Variants in MMP26 observed in about 807,000 individuals in gnomAD.
MMP26 encodes matrix metalloproteinase-26.
In MMP26, 33 loss-of-function variants were observed where a neutral mutation model predicts 31.0. That is an observed-to-expected ratio of 1.06 (90% confidence interval 0.81 to 1.42). The LOEUF is 1.42. Among genes scored for constraint, MMP26 ranks in the 40% most tolerant of loss-of-function variants. MMP26 has a pLI of 0.00. For synonymous variants in MMP26, 122 were observed against 114.9 expected (o/e 1.06, Z -0.40); for missense variants, 347 against 316.1 (o/e 1.10, Z -0.74).
At chr11:4,758,385 A>T (rs1174856168) in intron 1 of MMP26, among the ~76,000 whole-genome samples, 1 of 151,540 alleles carries the variant, frequency 6.6e-6, no homozygotes, top group African/African-American at 2.4e-5. Flanking sequence ...TGAGTTACGT[A>T]TAAAGGTAGA....
At chr11:4,710,293 C>T (rs953669489) in intron 1 of MMP26, 4 of 456,780 alleles carry the variant, frequency 8.8e-6, no homozygotes, top group Non-Finnish European at 1.8e-5. Flanking sequence ...GCTTTTGGTA[C>T]CTGTGTCTCT....
chr11:4,732,399 G>GT (rs1402243063), intron 1 of MMP26, among the ~76,000 whole-genome samples: 5 of 151,920 alleles, frequency 3.3e-5, no homozygotes, highest in Admixed American at 3.3e-4. Flanking sequence ...TAATACAATA[G>GT]TTTTTTGTGA....
chr11:4,804,411 G>A (rs75367908), intron 2 of MMP26: 97 of 1,485,738 alleles, frequency 6.5e-5, no homozygotes, highest in East Asian at 5.4e-4. Flanking sequence ...TGCTGGGAAC[G>A]CAATCTACTC....
intron 2 of MMP26, among the ~76,000 whole-genome samples, chr11:4,783,038 A>G (rs1848885502): frequency 6.6e-6 from 1 of 152,212 alleles, no homozygotes; most frequent in South Asian, 2.1e-4. Context: ...CAGAAGGAAA[A>G]TGTGGGGTTG....
intron 2 of MMP26, among the ~76,000 whole-genome samples, chr11:4,785,877 G>T (rs1848936524): frequency 6.6e-6 from 1 of 152,186 alleles, no homozygotes; most frequent in African/African-American, 2.4e-5. Flanking sequence ...TCTGTTCAGG[G>T]ACATGTCTCC....
chr11:4,705,694 A>T (rs563079464), intron 1 of MMP26, among the ~76,000 whole-genome samples: 2 of 152,254 alleles, frequency 1.3e-5, no homozygotes, highest in South Asian at 2.1e-4. Flanking sequence ...AATTTTTTTT[A>T]AAAAGCTATT....
chr11:4,855,599 G>A (rs1850039244), intron 2 of MMP26, among the ~76,000 whole-genome samples: 1 of 152,300 alleles, frequency 6.6e-6, no homozygotes, highest in Non-Finnish European at 1.5e-5. Context: ...CGTCTGATTG[G>A]TGTACCTGAA....
chr11:4,724,543 C>T (rs1848069959), intron 1 of MMP26, among the ~76,000 whole-genome samples: 1 of 152,116 alleles, frequency 6.6e-6, no homozygotes, highest in Admixed American at 6.5e-5. Context: ...TTGTGAAACG[C>T]AAGGATTAGA....
rs1848599306 is a variant in MMP26 at position 4,764,059 on chromosome 11, C to CT, written c.-216-3206dup. Among the ~76,000 whole-genome samples, 6 of 152,206 alleles carry CT rather than the reference C, an allele frequency of 3.9e-5. No individual in the cohort carries two copies. The South Asian group carries it at 1.0e-3, about 26-fold the overall frequency. ...TAAAGTAAGATTTTAATGTTTATTA[C>CT]TTTTTAATCTTTTCTTCAAAATGTC... On this transcript the variant is annotated intron_variant, in intron 1 of 7. Transcript: ENST00000380390.
At chr11:4,888,913 T>C (rs528919214) in intron 2 of MMP26, among the ~76,000 whole-genome samples, 2 of 152,240 alleles carry the variant, frequency 1.3e-5, no homozygotes, top group South Asian at 2.1e-4. Flanking sequence ...AGCAACTGGA[T>C]TGGGGTGATA....
intron 2 of MMP26, among the ~76,000 whole-genome samples, chr11:4,970,142 C>A (rs1169898387): frequency 6.6e-6 from 1 of 151,976 alleles, no homozygotes; most frequent in Non-Finnish European, 1.5e-5. Flanking sequence ...CATAGTAATA[C>A]AAAAAACTCA....
At position 4,923,775 on chromosome 11, in the gene MMP26, G is replaced by C. The variant is rs546668814; in HGVS notation, c.-144-64293G>C. ...TTGACAATGATGCTAGAGCAGGCCA[G>C]CTTCATGATCTCCAGGTGAAGACAA... On this transcript the variant is annotated intron_variant, in intron 2 of 7. Transcript: ENST00000380390. The C allele has an allele frequency of 4.2e-5, 67 of 1,613,964 alleles. No individual in the cohort carries two copies. Among genetic ancestry groups the C allele is most frequent in the Non-Finnish European group, 5.3e-5 (62 of 1,180,034 alleles).
At chr11:4,960,950 A>G (rs1846513114) in intron 2 of MMP26, among the ~76,000 whole-genome samples, 1 of 152,200 alleles carries the variant, frequency 6.6e-6, no homozygotes, top group Admixed American at 6.5e-5. Context: ...ATAAGTCAAA[A>G]AGGGAAATGT....
At chr11:4,964,330 G>A (rs1846561227) in intron 2 of MMP26, among the ~76,000 whole-genome samples, 1 of 152,020 alleles carries the variant, frequency 6.6e-6, no homozygotes, top group Admixed American at 6.6e-5. Context: ...TCTGCATAAT[G>A]GCTAGCCAGT....
intron 2 of MMP26, among the ~76,000 whole-genome samples, chr11:4,979,948 A>G (rs975801870): frequency 6.6e-6 from 1 of 152,124 alleles, no homozygotes; most frequent in African/African-American, 2.4e-5. Flanking sequence ...GTTAATTCTC[A>G]TACCCTCTGT....
At chr11:4,708,793 A>G (rs1847817658) in intron 1 of MMP26, among the ~76,000 whole-genome samples, 1 of 152,120 alleles carries the variant, frequency 6.6e-6, no homozygotes, top group African/African-American at 2.4e-5. Flanking sequence ...AAACTTGCTC[A>G]GGTAAATACT....
intron 1 of MMP26, among the ~76,000 whole-genome samples, chr11:4,764,464 G>A (rs181633572): frequency 6.6e-6 from 1 of 152,248 alleles, no homozygotes; most frequent in East Asian, 1.9e-4. Flanking sequence ...TGACTTGATT[G>A]GTTAATACTA....
At chr11:4,818,731 T>C (rs1849453642) in intron 2 of MMP26, among the ~76,000 whole-genome samples, 1 of 152,196 alleles carries the variant, frequency 6.6e-6, no homozygotes, top group Non-Finnish European at 1.5e-5. Context: ...GTCATTGTTA[T>C]TCAGCTTAAA....
chr11:4,821,376 G>T (rs759248827), intron 2 of MMP26: 2 of 1,602,252 alleles, frequency 1.2e-6, no homozygotes, highest in Non-Finnish European at 1.7e-6. Context: ...TGTATTATGT[G>T]TTATGTTAAA....
Sources: gnomAD v4.1 joint callset for allele counts (sites outside exome capture counted in the v4.1 genomes callset) on GRCh38, gnomAD v4.1.1 for gene constraint, MANE v1.5 for transcripts, NCBI Gene and HGNC (gene_info 2026-07-23, HGNC 2026-07-21) for gene names.